Variants in RANBP17 observed in about 807,000 individuals in gnomAD.
The protein encoded by RANBP17 is ran-binding protein 17.
Under a neutral mutation model 141.2 loss-of-function variants are expected in RANBP17, and 158 were observed. The observed-to-expected ratio is 1.12, with a 90% CI of 0.98 to 1.28. The LOEUF (loss-of-function observed/expected upper bound fraction) is 1.28, where lower values mean the gene tolerates loss of function less well. Ranked by LOEUF, RANBP17 falls within the 50% of genes most tolerant of loss-of-function variation. The pLI is 0.00. For missense variants in RANBP17, 1,438 were observed against 1,290.7 expected (o/e 1.11, Z -1.75); for synonymous variants, 430 against 450.0 (o/e 0.96, Z 0.56).
chr5:170,994,040 A>G (rs546833003), intron 14 of RANBP17, among the ~76,000 whole-genome samples: 1 of 152,096 alleles, frequency 6.6e-6, no homozygotes, highest in Non-Finnish European at 1.5e-5. Context: ...ACTTAACCAT[A>G]GAAACCTTTT....
At chr5:171,126,570 G>T (rs1756484485) in intron 14 of RANBP17, among the ~76,000 whole-genome samples, 1 of 152,110 alleles carries the variant, frequency 6.6e-6, no homozygotes, top group Non-Finnish European at 1.5e-5. Flanking sequence ...TTGATAAGCT[G>T]CTAGCTAAAC....
Position 171,260,442 on chromosome 5 carries a change from A to C in RANBP17, c.2777-5239A>C, listed in dbSNP as rs563217609. Among the ~76,000 whole-genome samples, 3 of 150,486 alleles carry C rather than the reference A, an allele frequency of 2.0e-5. No homozygotes were observed. The East Asian group carries it at 5.8e-4, about 29-fold the overall frequency. ...GAGATCACTGCACTTCACCCTGGGC[A>C]ACAGAGCAAGACTCCGTCTCAAAAA... On this transcript the variant is annotated intron_variant, in intron 24 of 27. Coordinates refer to ENST00000523189, the MANE Select transcript of RANBP17 (RefSeq NM_022897.5).
rs542941609 is a variant in RANBP17, at chr5:171,206,564, T to A, written c.2231+952T>A. ...AAAAATTATATAATCTGAAAGCTAA[T>A]TTACTTTTTAATCTAAACTATTTCT... On this transcript the variant is annotated intron_variant, in intron 20 of 27. Coordinates refer to ENST00000523189, the MANE Select transcript of RANBP17 (RefSeq NM_022897.5). 5 of 164,476 alleles carry A rather than the reference T, an allele frequency of 3.0e-5. No individual in the cohort carries two copies. The East Asian group carries it at 6.6e-4, about 22-fold the overall frequency. 10.2% of individuals were successfully genotyped at this position (164,476 alleles called of 1,614,324 possible).
intron 12 of RANBP17, among the ~76,000 whole-genome samples, chr5:170,939,110 GAATA>G (rs1774119068): frequency 3.9e-5 from 1 of 25,608 alleles, no homozygotes; most frequent in Non-Finnish European, 1.5e-4. Flanking sequence ...GAAGGTGTTA[GAATA>G]TTATTCTCAA....
chr5:171,293,187 A>G (rs954911430), intron 25 of RANBP17, among the ~76,000 whole-genome samples: 11 of 152,090 alleles, frequency 7.2e-5, no homozygotes, highest in Non-Finnish European at 1.5e-4. Flanking sequence ...GCCCAGCCCT[A>G]TTTCCTGTTA....
intron 14 of RANBP17, among the ~76,000 whole-genome samples, chr5:171,156,023 G>A (rs1758870692): frequency 6.6e-6 from 1 of 152,056 alleles, no homozygotes; most frequent in South Asian, 2.1e-4. Flanking sequence ...TTTGTACATA[G>A]ACAAAGCAGA....
At chr5:171,049,650 G>A (rs879775323) in intron 14 of RANBP17, among the ~76,000 whole-genome samples, 8 of 152,250 alleles carry the variant, frequency 5.3e-5, no homozygotes, top group African/African-American at 1.9e-4. Context: ...TTTGTATATG[G>A]TGAAGGCTAG....
At chr5:171,243,116 A>G (rs868527305) in intron 24 of RANBP17, 59 of 271,980 alleles carry the variant, frequency 2.2e-4, no homozygotes, top group African/African-American at 1.2e-3. Context: ...CACAAACATA[A>G]CCACCACGAC....
At chr5:171,043,025 T>C (rs1341758474) in intron 14 of RANBP17, among the ~76,000 whole-genome samples, 1 of 152,132 alleles carries the variant, frequency 6.6e-6, no homozygotes, top group Non-Finnish European at 1.5e-5. Context: ...GCTGATGGTG[T>C]GTATTGATTG....
intron 14 of RANBP17, among the ~76,000 whole-genome samples, chr5:171,041,772 T>A (rs1782263600): frequency 6.6e-6 from 1 of 152,160 alleles, no homozygotes; most frequent in Non-Finnish European, 1.5e-5. Flanking sequence ...GGGATACATG[T>A]GCAAGATGTA....
At chr5:170,998,093 A>G (rs1043415784) in intron 14 of RANBP17, among the ~76,000 whole-genome samples, 1 of 144,896 alleles carries the variant, frequency 6.9e-6, no homozygotes, top group Admixed American at 6.8e-5. Context: ...CTACTGGAGA[A>G]AAAAAAAAAA....
intron 14 of RANBP17, among the ~76,000 whole-genome samples, chr5:171,070,806 ATCC>A (rs1237025602): frequency 6.6e-6 from 1 of 152,082 alleles, no homozygotes; most frequent in Non-Finnish European, 1.5e-5. Flanking sequence ...TCTTCAGTGT[ATCC>A]TCATCATAGT....
intron 14 of RANBP17, among the ~76,000 whole-genome samples, chr5:171,098,563 A>C (rs1459527101): frequency 6.6e-6 from 1 of 152,154 alleles, no homozygotes; most frequent in African/African-American, 2.4e-5. Context: ...ATAGATTGCA[A>C]AAATTTTCTC....
At chr5:171,191,414 C>T (rs1349149482) in intron 18 of RANBP17, among the ~76,000 whole-genome samples, 13 of 152,080 alleles carry the variant, frequency 8.5e-5, no homozygotes, top group African/African-American at 2.9e-4. Flanking sequence ...AGAGGCCGGG[C>T]GCAGTGGCTC....
At position 170,911,263 on chromosome 5, in the gene RANBP17, A is replaced by AGT. The variant is rs1224606664; in HGVS notation, c.760+130_760+131dup. ...TAGCTCAAATGGATTTGTAACCTGA[A>AGT]GTAGCTGCTGATAGCTAATATTGAA... On this transcript the variant is annotated intron_variant, in intron 7 of 27. Transcript: ENST00000523189. 7 of 726,976 alleles carry AGT rather than the reference A, an allele frequency of 9.6e-6. No individual in the cohort carries two copies. In the East Asian group the frequency reaches 1.9e-4, roughly 20 times the overall value. The allele number at this position is 726,976 out of a possible 1,614,324, so 45.0% of individuals were successfully genotyped here.
chr5:171,125,296 CAAAAAAA>C (rs3083436), intron 14 of RANBP17, among the ~76,000 whole-genome samples: 1,033 of 85,956 alleles, frequency 0.012, 17 homozygotes, highest in African/African-American at 0.044. Context: ...GACTATGTAT[CAAAAAAA>C]AAAAAAAAAA....
rs34536688 is a variant in RANBP17 at position 171,213,690 on chromosome 5, C to T, written c.2291C>T (p.Thr764Ile). 9.1e-4 allele frequency: 1,475 copies of T among 1,613,784 alleles called. 14 individuals are homozygous for T. In the African/African-American group the frequency reaches 0.018, roughly 20 times the overall value. ...GTTGAACGGTGGTATGGAGAGCCAA[C>T]ATGTACAACTCCCATCTTGAAACTT... ...NAVERWYGEP[T>I]CTTPILKLMA... is the part of the protein sequence containing the mutation. Residue 764 changes from threonine to isoleucine, a missense_variant, in exon 21 of 28, where the codon ACA (threonine) becomes ATA (isoleucine). Coordinates refer to ENST00000523189, the MANE Select transcript of RANBP17 (RefSeq NM_022897.5).
intron 14 of RANBP17, among the ~76,000 whole-genome samples, chr5:171,058,553 G>C (rs960554860): frequency 2.6e-5 from 4 of 151,322 alleles, no homozygotes; most frequent in African/African-American, 9.7e-5. Context: ...TCTTAATCCA[G>C]TCTATCATTG....
At chr5:170,890,198 A>T (rs1414297519) in intron 3 of RANBP17, among the ~76,000 whole-genome samples, 1 of 152,176 alleles carries the variant, frequency 6.6e-6, no homozygotes, top group East Asian at 1.9e-4. Context: ...TGCAAGATGA[A>T]CATTTTCAGG....
Sources: gnomAD v4.1 joint callset for allele counts (sites outside exome capture counted in the v4.1 genomes callset) on GRCh38, gnomAD v4.1.1 for gene constraint, MANE v1.5 for transcripts, NCBI Gene and HGNC (gene_info 2026-07-23, HGNC 2026-07-21) for gene names.